The following HEATR6 variants were observed in gnomAD, a reference collection of about 807,000 sequenced individuals.
The protein encoded by HEATR6 is HEAT repeat containing 6, also known as HEAT repeat-containing protein 6.
A neutral mutation model predicts 132.8 loss-of-function variants in HEATR6; 106 were observed. That is an observed-to-expected ratio of 0.80 (90% CI 0.68 to 0.94). HEATR6 has a LOEUF of 0.94. HEATR6 is among the 40% of genes least tolerant of loss of function. HEATR6 has a pLI of 0.00. For missense variants in HEATR6, 1,339 were observed against 1,425.1 expected (o/e 0.94, Z 0.97); for synonymous variants, 529 against 537.8 (o/e 0.98, Z 0.23).
intron 11 of HEATR6, among the ~76,000 whole-genome samples, chr17:60,057,899 C>T (rs1247231075): frequency 6.6e-6 from 1 of 152,092 alleles, no homozygotes; most frequent in Admixed American, 6.5e-5. Context: ...GTATCTGCTC[C>T]TTTGTTGTAG....
chr17:60,073,037 C>T (rs2083277645), intron 4 of HEATR6, 127 bp downstream of exon 4: 1 of 574,200 alleles, frequency 1.7e-6, no homozygotes, highest in Non-Finnish European at 3.1e-6. Context: ...TAGTAAAGTA[C>T]ATGGGAAATG....
In HEATR6 at chr17:60,044,067, G is replaced by C; in HGVS notation, c.3042C>G (p.Phe1014Leu). ...LTSVVTSCKN[F>L]KVRIRSAAAL... Reference sequence around the variant, plus strand: ...CAGCTGCAGATCTGATGCGCACTTTGAAGTTCTTGCATGATGTCACGACCG... The same window carrying C: ...CAGCTGCAGATCTGATGCGCACTTTCAAGTTCTTGCATGATGTCACGACCG... Residue 1014 changes from phenylalanine to leucine, a missense_variant, in exon 20 of 20, where the codon TTC becomes TTG. Phe to Leu is a conservative substitution (Grantham distance 22). Transcript: ENST00000184956. 6.2e-7 allele frequency: 1 copy of C among 1,614,166 alleles called. No homozygotes were observed. The highest frequency in any genetic ancestry group is 8.5e-7 in the Non-Finnish European group (1 of 1,180,042).
Position 60,072,258 on chromosome 17 carries a change from T to A in HEATR6, c.656A>T (p.Gln219Leu). 6.2e-7 allele frequency: 1 copy of A among 1,609,978 alleles called. No individual in the cohort carries two copies. The highest frequency in any genetic ancestry group is 8.5e-7 in the Non-Finnish European group (1 of 1,177,272). Residue 219 changes from glutamine (Q) to leucine (L), a missense_variant, in exon 5 of 20, where the codon CAG becomes CTG. By Grantham distance (113) the Gln-to-Leu change is moderately radical. Transcript: ENST00000184956. ...ATCCATATCAGATGATTTTGGAGAC[T>A]GTAAAATAGTCAGAAAAGCTTGGAA... ...VCFQAFLTIL[Q>L]SPKSSDMDDI...
intron 17 of HEATR6, 23 bp downstream of exon 17, chr17:60,048,241 G>C: frequency 6.2e-7 from 1 of 1,602,892 alleles, no homozygotes. Context: ...AGTCAGCTGG[G>C]GAAAGCAAGC....
chr17:60,058,105 C>T (rs1159007345), intron 11 of HEATR6, among the ~76,000 whole-genome samples: 1 of 152,156 alleles, frequency 6.6e-6, no homozygotes, highest in Non-Finnish European at 1.5e-5. Context: ...AGGTCTTTTG[C>T]ATATCCATAT....
intron 5 of HEATR6, among the ~76,000 whole-genome samples, chr17:60,071,508 A>T (rs1298680657): frequency 1.3e-5 from 2 of 152,234 alleles, no homozygotes; most frequent in Admixed American, 1.3e-4. Flanking sequence ...CAATGTGGTT[A>T]TATCAGTCCC....
At chr17:60,063,831 T>C (rs1005713466) in intron 9 of HEATR6, 4 of 152,220 alleles carry the variant, frequency 2.6e-5, no homozygotes, top group African/African-American at 4.8e-5. Flanking sequence ...TATTTAATCC[T>C]GGCTAAGAGG....
intron 4 of HEATR6, among the ~76,000 whole-genome samples, chr17:60,072,763 G>C (rs1161842094): frequency 6.6e-6 from 1 of 152,172 alleles, no homozygotes; most frequent in Non-Finnish European, 1.5e-5. Context: ...TGTGAGAATC[G>C]AGGGTGAGCA....
chr17:60,055,626 G>A (rs1247993616), intron 13 of HEATR6, 25 bp from the exon 14 acceptor site: 1 of 1,555,962 alleles, frequency 6.4e-7, no homozygotes, highest in East Asian at 2.2e-5. Flanking sequence ...AATTACCGAA[G>A]TGGAGCATCA....
rs1226479955 is a variant in HEATR6, at chr17:60,048,322, C to A, written c.2614G>T (p.Val872Phe). 1.9e-6 allele frequency: 3 copies of A among 1,613,678 alleles called. No individual in the cohort carries two copies. Among genetic ancestry groups the A allele is most frequent in the East Asian group, 2.2e-5 (1 of 44,880 alleles). The change falls in exon 17 of 20, where the codon GTT (valine) becomes TTT (phenylalanine). Residue 872 changes from valine (V) to phenylalanine (F), a missense_variant. Physicochemically the swap from Val to Phe is conservative, Grantham distance 50. Transcript: ENST00000184956. ...AGGGACCAGGCTGCTTTGGCTCGAA[C>A]ATTCAGAGACTTGTCTTCAAGTGAC... ...LMSLEDKSLN[V>F]RAKAAWSLGN...
chr17:60,048,209 C>A (rs1293495966), intron 17 of HEATR6, 55 bp downstream of exon 17: 1 of 1,580,690 alleles, frequency 6.3e-7, no homozygotes, highest in Non-Finnish European at 8.7e-7. Context: ...CGAGGACATT[C>A]TCTTGGGCCC....
Position 60,073,262 on chromosome 17 carries a change from T to C in HEATR6, c.486A>G (p.Leu162=), listed in dbSNP as rs1324847746. Residue 162 remains leucine, a synonymous_variant, in exon 4 of 20, where the codon CTA becomes CTG. Coordinates refer to ENST00000184956, the MANE Select transcript of HEATR6 (RefSeq NM_022070.5). ...ACTTCATTAAGAGTCCGGTGTTGCC[T>C]AGCAGCTCTGGGAGGTACTAAGAAA... is the stretch of plus-strand genomic sequence containing the variant. The part of the protein sequence containing the change: ...SKCQKYLPEL[L]GNTGLLMKLS... The C allele has an allele frequency of 6.2e-7, 1 of 1,610,480 alleles. No homozygotes were observed. Among genetic ancestry groups the C allele is most frequent in the Middle Eastern group, 1.7e-4 (1 of 6,054 alleles).
intron 1 of HEATR6, chr17:60,076,471 C>A (rs1242125056): frequency 4.6e-6 from 2 of 430,334 alleles, no homozygotes; most frequent in East Asian, 4.2e-5. Flanking sequence ...GAGGTCAAAG[C>A]GGGAGGACTG....
chr17:60,066,337 T>C lies in HEATR6; in HGVS notation c.1288A>G (p.Thr430Ala), dbSNP rs1415575772. Reference sequence around the variant, plus strand: ...ACTTTTTTTTCTATCGATTTTATAGTAGAAAGAAAACAAACTAAGGCTCCT... The same window carrying C: ...ACTTTTTTTTCTATCGATTTTATAGCAGAAAGAAAACAAACTAAGGCTCCT... ...RQGALVCFLS[T>A]IKSIEKKVLY... The change falls in exon 9 of 20, where the codon ACT (threonine) becomes GCT (alanine). Residue 430 changes from threonine (T) to alanine (A), a missense_variant. Thr to Ala is a moderately conservative substitution (Grantham distance 58). Transcript: ENST00000184956. 1.2e-5 allele frequency: 20 copies of C among 1,613,616 alleles called. No individual in the cohort carries two copies. The highest frequency in any genetic ancestry group is 1.7e-5 in the Non-Finnish European group (20 of 1,179,804).
intron 1 of HEATR6, 138 bp downstream of exon 1, chr17:60,078,558 G>A: frequency 4.4e-6 from 3 of 687,536 alleles, no homozygotes; most frequent in South Asian, 3.7e-5. Context: ...ATGTGCCAAG[G>A]TTGGAGGGGG....
At chr17:60,078,604 G>C (rs1029550441) in intron 1 of HEATR6, 92 bp downstream of exon 1, 1 of 966,010 alleles carries the variant, frequency 1.0e-6, no homozygotes, top group African/African-American at 1.6e-5. Context: ...AGGCGCGAGA[G>C]TGGGAAGATC....
chr17:60,072,790 T>C (rs914144047), intron 4 of HEATR6, among the ~76,000 whole-genome samples: 3 of 152,324 alleles, frequency 2.0e-5, no homozygotes, highest in South Asian at 2.1e-4. Flanking sequence ...GCTGTTTCCA[T>C]CTTCTTCAAA....
chr17:60,047,702 T>TTAAA (rs111611751), intron 17 of HEATR6, among the ~76,000 whole-genome samples: 3,777 of 152,268 alleles, frequency 0.025, 130 homozygotes, highest in African/African-American at 0.081. Context: ...AGAAAAATGG[T>TTAAA]TAATCATCAC....
At chr17:60,069,221 G>A (rs1162502132) in intron 7 of HEATR6, among the ~76,000 whole-genome samples, 1 of 152,222 alleles carries the variant, frequency 6.6e-6, no homozygotes, top group Non-Finnish European at 1.5e-5. Context: ...GTCTAGAGTG[G>A]GGTTGGCAAA....
Sources: allele counts gnomAD v4.1 joint callset (sites outside exome capture counted in the v4.1 genomes callset), GRCh38; gene constraint gnomAD v4.1.1; transcripts MANE v1.5; gene names NCBI Gene and HGNC (gene_info 2026-07-23, HGNC 2026-07-21).